The following MAOB variants were observed in gnomAD, a reference collection of about 807,000 sequenced individuals.
MAOB encodes monoamine oxidase B.
Under a neutral mutation model 41.9 loss-of-function variants are expected in MAOB, and 15 were observed. That is an observed-to-expected ratio of 0.36 (90% CI 0.24 to 0.55). The LOEUF (loss-of-function observed/expected upper bound fraction) is 0.55, where lower values mean the gene tolerates loss of function less well. Ranked by LOEUF, MAOB falls within the 20% of genes least tolerant of loss-of-function variation. The probability of loss-of-function intolerance (pLI) is 0.86; values close to 1 mark genes in which losing one functional copy is unlikely to be tolerated. For missense variants in MAOB, 345 were observed against 398.7 expected, an observed-to-expected ratio of 0.87 and a Z score of 1.15; for synonymous variants, 167 against 144.2, an observed-to-expected ratio of 1.16 and a Z score of -1.13.
At chrX:43,844,984 G>C (rs1469881018) in intron 1 of MAOB, among the ~76,000 whole-genome samples, 1 of 112,042 alleles carries the variant, frequency 8.9e-6, no homozygotes, top group Non-Finnish European at 1.9e-5. Flanking sequence ...TACTGGTTCT[G>C]TCTTTCTGGA....
intron 12 of MAOB, among the ~76,000 whole-genome samples, chrX:43,773,167 T>A (rs1468338427): frequency 8.9e-6 from 1 of 111,938 alleles, no homozygotes; most frequent in East Asian, 2.8e-4. Context: ...CAATAGCCTT[T>A]CTCTGCCTCC....
chrX:43,861,112 C>T (rs1297611602), intron 1 of MAOB, among the ~76,000 whole-genome samples: 1 of 112,536 alleles, frequency 8.9e-6, no homozygotes, highest in Non-Finnish European at 1.9e-5. Flanking sequence ...CCTCCACCAA[C>T]TAGACAATAA....
intron 10 of MAOB, among the ~76,000 whole-genome samples, chrX:43,779,523 A>G (rs905390724): frequency 8.9e-6 from 1 of 112,124 alleles, no homozygotes; most frequent in Non-Finnish European, 1.9e-5. Context: ...ACATAAAAAG[A>G]TAAAATTTTA....
At chrX:43,839,529 C>G (rs984753731) in intron 2 of MAOB, among the ~76,000 whole-genome samples, 2 of 111,629 alleles carry the variant, frequency 1.8e-5, no homozygotes, top group South Asian at 7.5e-4. Context: ...GACTGAGGGG[C>G]GAACTTTGAA....
intron 3 of MAOB, among the ~76,000 whole-genome samples, chrX:43,805,591 C>T (rs888011588): frequency 2.7e-5 from 3 of 111,828 alleles, no homozygotes; most frequent in Non-Finnish European, 5.6e-5. Flanking sequence ...CTCAGCATGA[C>T]ATTTCTGAGG....
intron 5 of MAOB, among the ~76,000 whole-genome samples, chrX:43,798,313 C>T (rs1188235420): frequency 2.7e-5 from 3 of 112,007 alleles, no homozygotes; most frequent in African/African-American, 6.5e-5. Context: ...CATGATTGAA[C>T]GAATGAATGA....
At chrX:43,839,929 G>A (rs1429399676) in intron 2 of MAOB, among the ~76,000 whole-genome samples, 1 of 112,209 alleles carries the variant, frequency 8.9e-6, no homozygotes, top group Non-Finnish European at 1.9e-5. Context: ...ACCTTGTAAA[G>A]CAACATATAA....
chrX:43,768,782 A>G, intron 13 of MAOB, 66 bp from the exon 14 acceptor site: 1 of 915,113 alleles, frequency 1.1e-6, no homozygotes, highest in Non-Finnish European at 1.6e-6. Flanking sequence ...TCTGCTCCCT[A>G]AAGGACTAAG....
At chrX:43,854,519 G>T (rs1047531785) in intron 1 of MAOB, among the ~76,000 whole-genome samples, 1 of 111,058 alleles carries the variant, frequency 9.0e-6, no homozygotes, top group African/African-American at 3.3e-5. Context: ...TAAGGGGGTG[G>T]GGGAAATGGG....
In MAOB at chrX:43,775,052, G is replaced by GT. The variant is rs1467433800; in HGVS notation, c.1235+122dup. 1.5e-3 allele frequency: 1,040 copies of GT among 693,896 alleles called. 15 individuals are homozygous for GT. The African/African-American group carries it at 0.026, about 17-fold the overall frequency. The allele number at this position is 693,896 out of a possible 1,213,427, so 57.2% of individuals were successfully genotyped here. The stretch of plus-strand genomic sequence containing the variant: ...ATTCATAAGATACAAAGGAAATTGG[G>GT]TTGTTTTTTTTTTTTTTTTTTGTAT... On this transcript the variant is annotated intron_variant, in intron 12 of 14. Transcript: ENST00000378069.
intron 1 of MAOB, among the ~76,000 whole-genome samples, chrX:43,849,575 G>T (rs2035234832): frequency 8.9e-6 from 1 of 112,862 alleles, no homozygotes; most frequent in South Asian, 3.6e-4. Flanking sequence ...CTGGCAGAGT[G>T]GGGGACTGCA....
intron 8 of MAOB, among the ~76,000 whole-genome samples, chrX:43,782,215 A>G (rs2034342611): frequency 1.8e-5 from 2 of 111,332 alleles, no homozygotes; most frequent in Admixed American, 9.6e-5. Flanking sequence ...GTTTTTTGAA[A>G]AGATCAAAAA....
intron 12 of MAOB, among the ~76,000 whole-genome samples, chrX:43,772,263 A>G (rs999943289): frequency 7.2e-5 from 8 of 111,473 alleles, no homozygotes; most frequent in African/African-American, 2.6e-4. Flanking sequence ...TAAAAATTGA[A>G]GGTAGTTATA....
chrX:43,772,862 C>A (rs1488002622), intron 12 of MAOB, among the ~76,000 whole-genome samples: 1 of 111,410 alleles, frequency 9.0e-6, no homozygotes, highest in African/African-American at 3.3e-5. Context: ...CTTGCTTGTT[C>A]CTGCTTTCGC....
chrX:43,855,300 C>T (rs769495743), intron 1 of MAOB, among the ~76,000 whole-genome samples: 16 of 111,602 alleles, frequency 1.4e-4, no homozygotes, highest in African/African-American at 4.6e-4. Context: ...AAGCCTAACC[C>T]GAAAGACTCA....
At chrX:43,847,755 G>A (rs1485387450) in intron 1 of MAOB, among the ~76,000 whole-genome samples, 1 of 112,245 alleles carries the variant, frequency 8.9e-6, no homozygotes, top group Non-Finnish European at 1.9e-5. Flanking sequence ...CAATTTAGGA[G>A]CAAGCTTATC....
At chrX:43,768,603 A>C (rs1457034524) in intron 14 of MAOB, 51 bp downstream of exon 14, 1 of 1,029,830 alleles carries the variant, frequency 9.7e-7, no homozygotes, top group Middle Eastern at 2.5e-4. Flanking sequence ...TCTTGAAAAT[A>C]ATGGGTTTAG....
intron 12 of MAOB, among the ~76,000 whole-genome samples, chrX:43,769,886 A>G (rs1386482307): frequency 9.0e-6 from 1 of 111,725 alleles, no homozygotes; most frequent in African/African-American, 3.3e-5. Flanking sequence ...AGACCCTTTC[A>G]ATCAGTAACA....
chrX:43,776,641 G>T (rs1384044827), intron 11 of MAOB, among the ~76,000 whole-genome samples: 1 of 110,560 alleles, frequency 9.0e-6, no homozygotes, highest in Non-Finnish European at 1.9e-5. Context: ...TTAAGTTTTA[G>T]GGTACATGTG....
Sources: allele counts gnomAD v4.1 joint callset (sites outside exome capture counted in the v4.1 genomes callset), GRCh38; gene constraint gnomAD v4.1.1; transcripts MANE v1.5; gene names NCBI Gene and HGNC (gene_info 2026-07-23, HGNC 2026-07-21).